KCNH7: variants seen among roughly 807,000 people sequenced by gnomAD.
The protein encoded by KCNH7 is potassium voltage-gated channel subfamily H member 7.
KCNH7 carries 49 observed loss-of-function variants against 120.8 expected under a neutral mutation model. The observed-to-expected ratio is 0.41, with a 90% CI of 0.32 to 0.51. The LOEUF (loss-of-function observed/expected upper bound fraction) is 0.51. Ranked by LOEUF, KCNH7 falls within the 20% of genes least tolerant of loss-of-function variation. The probability of loss-of-function intolerance (pLI) is 0.38; values close to 1 mark genes in which losing one functional copy is unlikely to be tolerated. For missense variants in KCNH7, 1,097 were observed against 1,446.6 expected (o/e 0.76, Z 3.92); for synonymous variants, 547 against 516.1 (o/e 1.06, Z -0.81).
At chr2:162,827,198 A>G (rs1427289092) in intron 2 of KCNH7, among the ~76,000 whole-genome samples, 1 of 152,114 alleles carries the variant, frequency 6.6e-6, no homozygotes, top group Non-Finnish European at 1.5e-5. Flanking sequence ...CTTTCCCTTT[A>G]AAATACTAGT....
intron 8 of KCNH7, among the ~76,000 whole-genome samples, chr2:162,430,209 T>C (rs571803638): frequency 5.3e-5 from 8 of 152,148 alleles, no homozygotes; most frequent in East Asian, 1.9e-4. Flanking sequence ...TGGATGTTAA[T>C]AAGGGTTTTC....
intron 2 of KCNH7, among the ~76,000 whole-genome samples, chr2:162,759,044 AAAG>A (rs761000531): frequency 6.6e-5 from 10 of 151,888 alleles, no homozygotes; most frequent in South Asian, 6.2e-4. Context: ...ACTCCTCATG[AAAG>A]AAGGAGAGGT....
intron 12 of KCNH7, among the ~76,000 whole-genome samples, chr2:162,386,294 C>T (rs533644696): frequency 6.6e-6 from 1 of 151,974 alleles, no homozygotes; most frequent in South Asian, 2.1e-4. Flanking sequence ...CCTTAAACCT[C>T]TAAAATTCCA....
chr2:162,599,831 T>TA (rs1293900636), intron 2 of KCNH7, among the ~76,000 whole-genome samples: 1 of 152,100 alleles, frequency 6.6e-6, no homozygotes, highest in Non-Finnish European at 1.5e-5. Context: ...AATACACAAT[T>TA]ATGCTAACTT....
At chr2:162,825,276 C>A (rs926678499) in intron 2 of KCNH7, among the ~76,000 whole-genome samples, 1 of 151,804 alleles carries the variant, frequency 6.6e-6, no homozygotes, top group Admixed American at 6.6e-5. Context: ...TTTCAAAATA[C>A]TTAGCATGTT....
intron 6 of KCNH7, among the ~76,000 whole-genome samples, chr2:162,503,345 C>G (rs1217499496): frequency 3.3e-5 from 5 of 151,894 alleles, no homozygotes; most frequent in Admixed American, 2.0e-4. Context: ...ATGTGCGTAA[C>G]AGTAAACTGT....
At chr2:162,625,143 T>G (rs1683507356) in intron 2 of KCNH7, among the ~76,000 whole-genome samples, 1 of 151,996 alleles carries the variant, frequency 6.6e-6, no homozygotes, top group Admixed American at 6.6e-5. Context: ...GTTATCCACC[T>G]GCCTCGGCTT....
At chr2:162,644,448 A>C (rs1333515810) in intron 2 of KCNH7, among the ~76,000 whole-genome samples, 5 of 152,188 alleles carry the variant, frequency 3.3e-5, no homozygotes, top group African/African-American at 1.2e-4. Context: ...TTTCTATCAC[A>C]ACATATCTAC....
intron 2 of KCNH7, among the ~76,000 whole-genome samples, chr2:162,612,696 T>C (rs1683010323): frequency 6.6e-6 from 1 of 152,048 alleles, no homozygotes; most frequent in South Asian, 2.1e-4. Flanking sequence ...TCCACATGAA[T>C]ACTATATAAT....
intron 2 of KCNH7, among the ~76,000 whole-genome samples, chr2:162,811,849 G>A (rs919185975): frequency 6.6e-5 from 10 of 152,104 alleles, no homozygotes; most frequent in Non-Finnish European, 1.0e-4. Flanking sequence ...TGATTAAAGG[G>A]CAGGCGTAGA....
At chr2:162,716,018 A>G (rs1687110077) in intron 2 of KCNH7, among the ~76,000 whole-genome samples, 2 of 151,066 alleles carry the variant, frequency 1.3e-5, no homozygotes, top group East Asian at 3.9e-4. Flanking sequence ...AATCTTAGTA[A>G]TTTTTAAAAC....
chr2:162,747,357 T>C (rs1688351877), intron 2 of KCNH7, among the ~76,000 whole-genome samples: 1 of 152,162 alleles, frequency 6.6e-6, no homozygotes, highest in South Asian at 2.1e-4. Flanking sequence ...TTTGATCTGT[T>C]AGCACTGAAA....
intron 6 of KCNH7, among the ~76,000 whole-genome samples, chr2:162,466,138 T>C (rs1415875540): frequency 6.6e-6 from 1 of 152,210 alleles, no homozygotes; most frequent in Non-Finnish European, 1.5e-5. Context: ...TATGCTGGTA[T>C]GCTATGCTAG....
At chr2:162,768,399 G>A (rs1428076622) in intron 2 of KCNH7, among the ~76,000 whole-genome samples, 2 of 151,882 alleles carry the variant, frequency 1.3e-5, no homozygotes, top group Admixed American at 6.6e-5. Context: ...CAACAGCATC[G>A]ATCATCTAGC....
At chr2:162,651,030 G>A (rs1191010996) in intron 2 of KCNH7, among the ~76,000 whole-genome samples, 1 of 152,144 alleles carries the variant, frequency 6.6e-6, no homozygotes, top group Non-Finnish European at 1.5e-5. Context: ...ATGCTTTCAT[G>A]TAAAGGAGGA....
Position 162,756,712 on chromosome 2 carries a change from G to A in KCNH7, c.307+79825C>T, listed in dbSNP as rs189817299. ...TCCTGGGCTCAAGTCGTCCTCTTGCGTTGGCCTCCCAAAGTGCTAGGATTA... is the reference window on the plus strand; with the variant it reads ...TCCTGGGCTCAAGTCGTCCTCTTGCATTGGCCTCCCAAAGTGCTAGGATTA... On this transcript the variant is annotated intron_variant, in intron 2 of 15. Coordinates refer to ENST00000332142, the MANE Select transcript of KCNH7 (RefSeq NM_033272.4). Among the ~76,000 whole-genome samples the A allele has an allele frequency of 4.3e-4, 66 of 152,174 alleles. 1 individual carries two copies. In the South Asian group the frequency reaches 5.6e-3, roughly 13 times the overall value.
At chr2:162,831,835 C>T (rs1685490847) in intron 2 of KCNH7, among the ~76,000 whole-genome samples, 1 of 152,166 alleles carries the variant, frequency 6.6e-6, no homozygotes, top group African/African-American at 2.4e-5. Context: ...GACAACATGG[C>T]TTCTTGTTGG....
intron 2 of KCNH7, among the ~76,000 whole-genome samples, chr2:162,834,218 A>T (rs564746898): frequency 3.3e-5 from 5 of 152,220 alleles, no homozygotes; most frequent in African/African-American, 1.2e-4. Context: ...ACCAAGACAC[A>T]CTGAAGATTC....
chr2:162,560,569 G>A (rs1473126794), intron 2 of KCNH7, among the ~76,000 whole-genome samples: 1 of 152,144 alleles, frequency 6.6e-6, no homozygotes, highest in Non-Finnish European at 1.5e-5. Flanking sequence ...TGTCTATTTT[G>A]TGTGTAAAAG....
Sources: gnomAD v4.1 joint callset for allele counts (sites outside exome capture counted in the v4.1 genomes callset) on GRCh38, gnomAD v4.1.1 for gene constraint, MANE v1.5 for transcripts, NCBI Gene and HGNC (gene_info 2026-07-23, HGNC 2026-07-21) for gene names.